LRRC72: variants seen among roughly 807,000 people sequenced by gnomAD.
LRRC72 encodes the protein leucine rich repeat containing 72.
LRRC72 carries 41 observed loss-of-function variants against 35.8 expected under a neutral mutation model. The ratio of observed to expected loss-of-function variants is 1.15; its 90% confidence interval spans 0.89 to 1.49. The LOEUF is 1.49. Ranked by LOEUF, LRRC72 falls within the 40% of genes most tolerant of loss-of-function variation. LRRC72 has a pLI of 0.00. For synonymous variants in LRRC72, 118 were observed against 119.2 expected, an observed-to-expected ratio of 0.99 and a Z score of 0.07; for missense variants, 389 against 330.7, an observed-to-expected ratio of 1.18 and a Z score of -1.37.
intron 3 of LRRC72, among the ~76,000 whole-genome samples, chr7:16,540,347 C>T (rs527303479): frequency 6.5e-4 from 99 of 152,334 alleles, no homozygotes; most frequent in African/African-American, 2.3e-3. Flanking sequence ...AACATTTACC[C>T]AATGCCTGTA....
intron 5 of LRRC72, among the ~76,000 whole-genome samples, chr7:16,565,195 G>A (rs1262298584): frequency 6.6e-6 from 1 of 152,194 alleles, no homozygotes; most frequent in African/African-American, 2.4e-5. Flanking sequence ...TGTATTTTGG[G>A]AGGCCAAGGT....
intron 7 of LRRC72, among the ~76,000 whole-genome samples, chr7:16,572,571 G>C (rs956511086): frequency 2.0e-4 from 30 of 152,160 alleles, no homozygotes; most frequent in South Asian, 2.1e-4. Context: ...TATCTCAATA[G>C]ATGCAAAAAG....
In LRRC72 at chr7:16,535,039, A is replaced by T. The variant is rs1562737177; in HGVS notation, c.164+2471A>T. Among the ~76,000 whole-genome samples, 3 of 152,188 alleles carry T rather than the reference A, an allele frequency of 2.0e-5. No individual in the cohort carries two copies. The South Asian group carries it at 6.2e-4, about 31-fold the overall frequency. On this transcript the variant is annotated intron_variant, in intron 2 of 8. Transcript: ENST00000401542. The stretch of plus-strand genomic sequence containing the variant: ...ATATGAAACCCTGTCTCTACAAAAA[A>T]TTAGCTAGGTGTGGTGGCATGCACC...
At chr7:16,547,207 C>T (rs1782458597) in intron 3 of LRRC72, among the ~76,000 whole-genome samples, 1 of 152,164 alleles carries the variant, frequency 6.6e-6, no homozygotes, top group African/African-American at 2.4e-5. Context: ...GGCCCTGGAG[C>T]CCACCCGAGA....
At chr7:16,537,775 A>T in intron 3 of LRRC72, 79 bp downstream of exon 3, 1 of 845,440 alleles carries the variant, frequency 1.2e-6, no homozygotes, top group South Asian at 2.0e-5. Context: ...GCTAATCTTT[A>T]AAAGTATTAA....
In LRRC72 at chr7:16,559,010, G is replaced by A; in HGVS notation, c.427+11G>A. 1 of 1,471,266 alleles carries A rather than the reference G, an allele frequency of 6.8e-7. No homozygotes were observed. Among genetic ancestry groups the A allele is most frequent in the Non-Finnish European group, 9.2e-7 (1 of 1,085,174 alleles). The allele number at this position is 1,471,266 out of a possible 1,614,324, so 91.1% of individuals were successfully genotyped here. On this transcript the variant is annotated intron_variant, in intron 5 of 8. Transcript: ENST00000401542. The stretch of plus-strand genomic sequence containing the variant: ...ATCTGAAGATCCTAAGTAACAATTT[G>A]CAATTTTATATGGCCATAAGTTAAA...
intron 3 of LRRC72, among the ~76,000 whole-genome samples, chr7:16,545,221 T>C (rs1267670589): frequency 6.6e-6 from 1 of 152,210 alleles, no homozygotes; most frequent in Non-Finnish European, 1.5e-5. Context: ...TATCTTAGGC[T>C]CAATCTTCGA....
chr7:16,539,400 G>A (rs534636230), intron 3 of LRRC72, among the ~76,000 whole-genome samples: 5 of 152,164 alleles, frequency 3.3e-5, no homozygotes, highest in African/African-American at 9.7e-5. Flanking sequence ...GGCTGATTCC[G>A]AAAGCATTCA....
At chr7:16,543,612 G>A (rs1018013129) in intron 3 of LRRC72, among the ~76,000 whole-genome samples, 2 of 152,142 alleles carry the variant, frequency 1.3e-5, no homozygotes, top group Admixed American at 6.5e-5. Context: ...AACTGTCTAA[G>A]CCAACCAGAA....
chr7:16,559,389 G>A (rs931304360), intron 5 of LRRC72, among the ~76,000 whole-genome samples: 2 of 151,044 alleles, frequency 1.3e-5, no homozygotes, highest in Non-Finnish European at 2.9e-5. Flanking sequence ...GCAAGACCCT[G>A]TCTCAGAAAA....
chr7:16,581,249 G>C (rs1783136321), intron 8 of LRRC72, 75 bp from the exon 9 acceptor site: 1 of 1,293,570 alleles, frequency 7.7e-7, no homozygotes, highest in Admixed American at 3.1e-5. Flanking sequence ...TGATTCATTT[G>C]AATAAAAATT....
intron 3 of LRRC72, among the ~76,000 whole-genome samples, chr7:16,542,799 G>A (rs1782379704): frequency 6.6e-6 from 1 of 152,220 alleles, no homozygotes; most frequent in African/African-American, 2.4e-5. Context: ...AATAGAATGT[G>A]AGGGAGGTTT....
intron 1 of LRRC72, among the ~76,000 whole-genome samples, chr7:16,528,303 T>C (rs959115636): frequency 6.6e-6 from 1 of 152,128 alleles, no homozygotes; most frequent in East Asian, 1.9e-4. Context: ...TCTGGTTAAC[T>C]GACTTATCAG....
At chr7:16,550,097 T>TA (rs1782523045) in intron 3 of LRRC72, among the ~76,000 whole-genome samples, 1 of 152,086 alleles carries the variant, frequency 6.6e-6, no homozygotes, top group South Asian at 2.1e-4. Context: ...TGTGTGCCTG[T>TA]AGTCCCAGCT....
intron 7 of LRRC72, among the ~76,000 whole-genome samples, chr7:16,575,958 C>T (rs186507083): frequency 1.2e-3 from 178 of 152,220 alleles, no homozygotes; most frequent in Middle Eastern, 6.8e-3. Context: ...AACTATAATC[C>T]TTTTTAAATT....
chr7:16,537,283 A>G (rs1782273539), intron 2 of LRRC72: 1 of 173,880 alleles, frequency 5.8e-6, no homozygotes, highest in African/African-American at 2.4e-5. Flanking sequence ...CATTTACTTG[A>G]AAGTACAGTA....
intron 2 of LRRC72, among the ~76,000 whole-genome samples, chr7:16,533,883 T>C (rs886752): frequency 0.55 from 83,509 of 152,016 alleles, 23,656 homozygotes; most frequent in East Asian, 0.84. Flanking sequence ...ACAGTAAATA[T>C]TTCATGTGGT....
intron 3 of LRRC72, among the ~76,000 whole-genome samples, chr7:16,542,753 T>G (rs999433119): frequency 2.0e-5 from 3 of 152,220 alleles, no homozygotes; most frequent in African/African-American, 7.2e-5. Context: ...GAGAGAGGTG[T>G]GTAGCTTTTT....
chr7:16,529,432 G>A (rs1782126200), intron 1 of LRRC72, among the ~76,000 whole-genome samples: 1 of 152,120 alleles, frequency 6.6e-6, no homozygotes, highest in Non-Finnish European at 1.5e-5. Context: ...TGTACTTGCA[G>A]ATACTGTTTT....
Sources: gnomAD v4.1 joint callset for allele counts (sites outside exome capture counted in the v4.1 genomes callset) on GRCh38, gnomAD v4.1.1 for gene constraint, MANE v1.5 for transcripts, NCBI Gene and HGNC (gene_info 2026-07-23, HGNC 2026-07-21) for gene names.